The following MIER2 variants were observed in gnomAD, a reference collection of about 807,000 sequenced individuals.
MIER2 encodes mesoderm induction early response protein 2.
MIER2 carries 30 observed loss-of-function variants against 67.6 expected under a neutral mutation model. That is an observed-to-expected ratio of 0.44 (90% CI 0.33 to 0.60). The LOEUF is 0.60. MIER2 is among the 20% of genes least tolerant of loss of function. The probability of loss-of-function intolerance (pLI) is 0.02; values close to 1 mark genes in which losing one functional copy is unlikely to be tolerated. For missense variants in MIER2, 702 were observed against 745.1 expected, an observed-to-expected ratio of 0.94 and a Z score of 0.67; for synonymous variants, 372 against 312.6, an observed-to-expected ratio of 1.19 and a Z score of -2.00.
intron 6 of MIER2, 64 bp from the exon 7 acceptor site, chr19:325,768 T>A (rs1315386840): frequency 8.2e-6 from 13 of 1,576,906 alleles, no homozygotes; most frequent in Non-Finnish European, 1.1e-5. Context: ...GGAGGCTGGC[T>A]GCAGCGTGCT....
intron 7 of MIER2, among the ~76,000 whole-genome samples, chr19:319,624 A>G (rs1370072428): frequency 2.0e-5 from 3 of 151,914 alleles, no homozygotes; most frequent in Non-Finnish European, 4.4e-5. Flanking sequence ...ACGCTCAGCT[A>G]ATTTTTGTAT....
rs1202939299 is a variant in MIER2 at position 334,456 on chromosome 19, C to T, written c.187G>A (p.Ala63Thr). ...NYSVRGECEE[A>T]SRCPDKPKEE... is the part of the protein sequence containing the mutation. ...TTGGGCTTGTCTGGGCACCTCGAGGCCTCCTCGCACTCCCCCCTAACACTG... is the reference window on the plus strand; with the variant it reads ...TTGGGCTTGTCTGGGCACCTCGAGGTCTCCTCGCACTCCCCCCTAACACTG... Residue 63 changes from alanine to threonine, a missense_variant, in exon 3 of 14, where the codon GCC (alanine) becomes ACC (threonine). This residue lies in a region of MIER2 where 320 missense variants were observed against 292.6 expected (regional missense o/e 1.09). Coordinates refer to ENST00000264819, the MANE Select transcript of MIER2 (RefSeq NM_017550.3). 1.2e-6 allele frequency: 2 copies of T among 1,614,186 alleles called. No homozygotes were observed. Among genetic ancestry groups the T allele is most frequent in the Non-Finnish European group, 1.7e-6 (2 of 1,180,026 alleles).
At chr19:311,502 C>A (rs1970997646) in intron 10 of MIER2, among the ~76,000 whole-genome samples, 1 of 152,116 alleles carries the variant, frequency 6.6e-6, no homozygotes, top group Non-Finnish European at 1.5e-5. Flanking sequence ...GCTGTGGGGC[C>A]AATGCTGGAC....
intron 1 of MIER2, among the ~76,000 whole-genome samples, chr19:337,870 CA>C (rs34553732): frequency 4.3e-4 from 16 of 37,128 alleles, no homozygotes; most frequent in African/African-American, 1.7e-3. Context: ...CTCCATCTCA[CA>C]AAAAAAAAAA....
intron 13 of MIER2, 34 bp from the exon 14 acceptor site, chr19:306,745 T>C (rs1334393357): frequency 1.3e-6 from 2 of 1,554,534 alleles, no homozygotes; most frequent in African/African-American, 1.4e-5. Flanking sequence ...ACGCAGAGAG[T>C]GTCAGTGCGG....
intron 7 of MIER2, among the ~76,000 whole-genome samples, chr19:322,133 G>A (rs998385587): frequency 6.6e-6 from 1 of 152,012 alleles, no homozygotes; most frequent in East Asian, 1.9e-4. Context: ...TCAATCTCCC[G>A]ACCTCAAGTT....
chr19:344,754 C>A lies in MIER2; in HGVS notation c.9+20G>T. The A allele has an allele frequency of 5.1e-6, 6 of 1,174,498 alleles. No homozygotes were observed. The highest frequency in any genetic ancestry group is 6.3e-6 in the Non-Finnish European group (6 of 950,422). The allele number at this position is 1,174,498 out of a possible 1,614,324, so 72.8% of individuals were successfully genotyped here. A position where few individuals can be genotyped will look rare whatever the true frequency, so the allele number is the denominator to read the frequency against. ...GACGCGCGGGGGCGGGGGGCCGGCT[C>A]CCCCGGCCCGCTCACTCACCTCCGC... On this transcript the variant is annotated intron_variant, in intron 1 of 13. Transcript: ENST00000264819.
At chr19:321,065 T>G (rs1281237124) in intron 7 of MIER2, among the ~76,000 whole-genome samples, 9 of 152,168 alleles carry the variant, frequency 5.9e-5, no homozygotes, top group East Asian at 1.9e-4. Flanking sequence ...CAGTAAAAGA[T>G]CTGAGAGCCA....
At chr19:319,717 A>G (rs534562373) in intron 7 of MIER2, among the ~76,000 whole-genome samples, 15 of 152,184 alleles carry the variant, frequency 9.9e-5, no homozygotes, top group African/African-American at 3.1e-4. Flanking sequence ...CCAGCCTCCC[A>G]AAGTGCTGGG....
In MIER2 at chr19:326,235, G is replaced by A. The variant is rs555229334; in HGVS notation, c.585+272C>T. On this transcript the variant is annotated intron_variant, in intron 6 of 13. Transcript: ENST00000264819. Reference sequence around the variant, plus strand: ...GCCACGGTCGGGATGCCAGGTTGGGGACACAGCAGAGCCACGGTTGGGATG... The same window carrying A: ...GCCACGGTCGGGATGCCAGGTTGGGAACACAGCAGAGCCACGGTTGGGATG... Among the ~76,000 whole-genome samples the A allele has an allele frequency of 2.0e-5, 3 of 151,900 alleles. No individual in the cohort carries two copies. The South Asian group carries it at 6.3e-4, about 32-fold the overall frequency.
At chr19:336,547 C>T (rs1187413369) in intron 1 of MIER2, among the ~76,000 whole-genome samples, 1 of 152,192 alleles carries the variant, frequency 6.6e-6, no homozygotes, top group Non-Finnish European at 1.5e-5. Context: ...GCGTAGGGTC[C>T]ACTGATACCA....
chr19:311,749 C>A, intron 10 of MIER2, 96 bp downstream of exon 10: 1 of 1,195,288 alleles, frequency 8.4e-7, no homozygotes, highest in Non-Finnish European at 1.2e-6. Context: ...CACGGGGCTC[C>A]AGGCCTCCAG....
At chr19:326,679 C>T (rs1971768026) in intron 5 of MIER2, 81 bp from the exon 6 acceptor site, 8 of 1,118,510 alleles carry the variant, frequency 7.2e-6, no homozygotes, top group Non-Finnish European at 1.4e-6. Flanking sequence ...TCCCATTCTC[C>T]ATCCACCTGA....
At chr19:323,764 G>C (rs189879160) in intron 7 of MIER2, among the ~76,000 whole-genome samples, 1 of 148,484 alleles carries the variant, frequency 6.7e-6, no homozygotes, top group African/African-American at 2.5e-5. Flanking sequence ...CAATACACAG[G>C]ACACACACAA....
At chr19:339,022 T>C (rs1201962610) in intron 1 of MIER2, among the ~76,000 whole-genome samples, 1 of 151,664 alleles carries the variant, frequency 6.6e-6, no homozygotes, top group African/African-American at 2.4e-5. Context: ...GGAAAAAAGT[T>C]TGTGACCTTG....
intron 3 of MIER2, among the ~76,000 whole-genome samples, chr19:329,841 A>G (rs10420041): frequency 0.43 from 61,848 of 144,170 alleles, 14,348 homozygotes; most frequent in East Asian, 0.67. Context: ...ACTCCAGCCT[A>G]GGTGACGAGA....
chr19:344,552 G>A (rs1456026904), intron 1 of MIER2: 2 of 284,394 alleles, frequency 7.0e-6, no homozygotes, highest in Non-Finnish European at 1.0e-5. Flanking sequence ...TGCAGCCCGC[G>A]ATGTGGCAGC....
chr19:344,751 G>A (rs1005134334), intron 1 of MIER2, 23 bp downstream of exon 1: 10 of 1,172,986 alleles, frequency 8.5e-6, no homozygotes, highest in African/African-American at 4.8e-5. Flanking sequence ...CGGGGGGCCG[G>A]CTCCCCCGGC....
rs770177058 is a variant in MIER2 at position 334,390 on chromosome 19, G to A, written c.243+10C>T. 2.5e-6 allele frequency: 4 copies of A among 1,613,990 alleles called. No homozygotes were observed. Among genetic ancestry groups the A allele is most frequent in the Non-Finnish European group, 3.4e-6 (4 of 1,179,912 alleles). On this transcript the variant is annotated intron_variant, in intron 3 of 13. Transcript: ENST00000264819. ...CCCAACACAGGGGCAGGATCACCTTGGCCAAGTACCTGGGAGATGAAGTCC... is the reference window on the plus strand; with the variant it reads ...CCCAACACAGGGGCAGGATCACCTTAGCCAAGTACCTGGGAGATGAAGTCC...
Sources: gnomAD v4.1 joint callset for allele counts (sites outside exome capture counted in the v4.1 genomes callset) on GRCh38, gnomAD v4.1.1 for gene constraint, gnomAD v4.1.1 regional missense constraint, MANE v1.5 for transcripts, NCBI Gene and HGNC (gene_info 2026-07-23, HGNC 2026-07-21) for gene names.